ADAMTSL3: variants seen among roughly 807,000 people sequenced by gnomAD.
ADAMTSL3 encodes the protein ADAMTS like 3.
ADAMTSL3 carries 128 observed loss-of-function variants against 201.7 expected under a neutral mutation model. The ratio of observed to expected loss-of-function variants is 0.63; its 90% confidence interval spans 0.55 to 0.73. The LOEUF (loss-of-function observed/expected upper bound fraction) is 0.73. Among genes scored for constraint, ADAMTSL3 ranks in the 30% least tolerant of loss-of-function variants. The probability of loss-of-function intolerance (pLI) is 0.00; values close to 1 mark genes in which losing one functional copy is unlikely to be tolerated. For missense variants in ADAMTSL3, 1,990 were observed against 2,119.6 expected (o/e 0.94, Z 1.20); for synonymous variants, 738 against 748.4 (o/e 0.99, Z 0.23).
chr15:83,858,356 T>A lies in ADAMTSL3; in HGVS notation c.728-410T>A, dbSNP rs192898292. Among the ~76,000 whole-genome samples, 6 of 152,298 alleles carry A rather than the reference T, an allele frequency of 3.9e-5. No homozygotes were observed. In the East Asian group the frequency reaches 1.2e-3, roughly 29 times the overall value. The stretch of plus-strand genomic sequence containing the variant: ...TAATATTCATCTGCTTTACACATAG[T>A]TTGTGATTTCCAAAGATTTATTTAT... On this transcript the variant is annotated intron_variant, in intron 7 of 29. Transcript: ENST00000286744.
At chr15:83,671,693 A>G (rs2061331498) in intron 2 of ADAMTSL3, among the ~76,000 whole-genome samples, 1 of 152,174 alleles carries the variant, frequency 6.6e-6, no homozygotes, top group Non-Finnish European at 1.5e-5. Flanking sequence ...ACTCTTCTTT[A>G]CTAGTTCTCT....
Position 83,811,596 on chromosome 15 carries a change from G to A in ADAMTSL3, c.363+6901G>A, listed in dbSNP as rs189599530. 4.6e-5 allele frequency among the ~76,000 whole-genome samples: 7 copies of A among 152,344 alleles called. No homozygotes were observed. In the South Asian group the frequency reaches 1.2e-3, roughly 27 times the overall value. ...CGAGTGAAGATATGATGCCCCTGAA[G>A]CTCTCTGGGCCTTGGGGGTTACCTG... On this transcript the variant is annotated intron_variant, in intron 5 of 29. Transcript: ENST00000286744.
intron 17 of ADAMTSL3, among the ~76,000 whole-genome samples, chr15:83,934,629 C>G (rs1049597925): frequency 1.3e-5 from 2 of 151,894 alleles, no homozygotes; most frequent in Admixed American, 1.3e-4. Flanking sequence ...GCTTTGTGTC[C>G]CCACCGAAAT....
In ADAMTSL3 at chr15:83,804,392, G is replaced by C. The variant is rs529610957; in HGVS notation, c.318-258G>C. On this transcript the variant is annotated intron_variant, in intron 4 of 29. Transcript: ENST00000286744. ...ATTGTAGTGGTTATATGGACCCTTGGGTAAGAATTGCATGTGAGTACTACT... is the reference window on the plus strand; with the variant it reads ...ATTGTAGTGGTTATATGGACCCTTGCGTAAGAATTGCATGTGAGTACTACT... Among the ~76,000 whole-genome samples, 5 of 152,052 alleles carry C rather than the reference G, an allele frequency of 3.3e-5. No homozygotes were observed. In the East Asian group the frequency reaches 9.7e-4, roughly 29 times the overall value.
intron 27 of ADAMTSL3, among the ~76,000 whole-genome samples, chr15:84,030,560 C>A (rs185497879): frequency 1.1e-4 from 16 of 152,244 alleles, no homozygotes; most frequent in Middle Eastern, 6.8e-3. Context: ...AACTAACTTA[C>A]TTTTCATGTT....
At chr15:83,729,509 C>T (rs2062232538) in intron 3 of ADAMTSL3, among the ~76,000 whole-genome samples, 1 of 151,556 alleles carries the variant, frequency 6.6e-6, no homozygotes, top group Non-Finnish European at 1.5e-5. Flanking sequence ...CTAATTCTTT[C>T]CTCTGCTTGA....
At chr15:83,883,142 CTATTTTATTT>C (rs201289538) in intron 9 of ADAMTSL3, among the ~76,000 whole-genome samples, 6,795 of 37,210 alleles carry the variant, frequency 0.18, 216 homozygotes, top group East Asian at 0.53. Flanking sequence ...AATACTATTT[CTATTTTATTT>C]TATTTTATTT....
rs1251103465 is a variant in ADAMTSL3 at position 84,030,015 on chromosome 15, G to C, written c.4657-1320G>C. ...TTTGAGAACCTCTGCCTAGATTTCA[G>C]AGGAATGTATGGAAAACCCTAGATG... is the stretch of plus-strand genomic sequence containing the variant. On this transcript the variant is annotated intron_variant, in intron 27 of 29. Coordinates refer to ENST00000286744, the MANE Select transcript of ADAMTSL3 (RefSeq NM_207517.3). 2.6e-5 allele frequency among the ~76,000 whole-genome samples: 4 copies of C among 152,386 alleles called. No homozygotes were observed. The East Asian group carries it at 7.7e-4, about 29-fold the overall frequency.
At chr15:83,872,049 A>T (rs935008221) in intron 9 of ADAMTSL3, among the ~76,000 whole-genome samples, 1 of 152,210 alleles carries the variant, frequency 6.6e-6, no homozygotes, top group Non-Finnish European at 1.5e-5. Flanking sequence ...CTGAGATACA[A>T]ATTCAGCCTG....
chr15:83,906,510 T>C (rs1287958107), intron 15 of ADAMTSL3, among the ~76,000 whole-genome samples: 4 of 152,020 alleles, frequency 2.6e-5, no homozygotes, highest in African/African-American at 4.8e-5. Context: ...TATTAAATAA[T>C]ACATGTAATA....
At chr15:83,745,311 G>A (rs2062527358) in intron 3 of ADAMTSL3, among the ~76,000 whole-genome samples, 1 of 152,200 alleles carries the variant, frequency 6.6e-6, no homozygotes, top group Admixed American at 6.5e-5. Context: ...CTGGACAAGA[G>A]CTTGGGTGCC....
At chr15:83,834,772 A>G (rs1017422416) in intron 6 of ADAMTSL3, among the ~76,000 whole-genome samples, 15 of 152,182 alleles carry the variant, frequency 9.9e-5, no homozygotes, top group East Asian at 3.8e-4. Context: ...TATGTTATTA[A>G]TTTATGCTCT....
At chr15:83,840,504 A>G (rs2064352522) in intron 7 of ADAMTSL3, among the ~76,000 whole-genome samples, 2 of 152,194 alleles carry the variant, frequency 1.3e-5, no homozygotes, top group African/African-American at 2.4e-5. Context: ...ATAGCTCTAC[A>G]GGGTTGGTTG....
chr15:83,977,601 T>TA (rs962979445), intron 20 of ADAMTSL3, among the ~76,000 whole-genome samples: 11 of 148,146 alleles, frequency 7.4e-5, no homozygotes, highest in Admixed American at 4.7e-4. Context: ...AAAAAAAAGG[T>TA]AAAAAAAAAA....
rs749977992 is a variant in ADAMTSL3, at chr15:83,991,210, A to G, written c.3969A>G (p.Val1323=). 2 of 1,614,180 alleles carry G rather than the reference A, an allele frequency of 1.2e-6. No homozygotes were observed. Among genetic ancestry groups the G allele is most frequent in the Non-Finnish European group, 8.5e-7 (1 of 1,180,010 alleles). ...LGANVTIRCP[V]KGVPQPNITW... The stretch of plus-strand genomic sequence containing the variant: ...CAAACGTGACAATCCGATGTCCTGT[A>G]AAAGGTAAGTGTGGTCATTTCAGTG... Residue 1323 remains valine, a synonymous_variant, in exon 23 of 30, where the codon GTA becomes GTG. Coordinates refer to ENST00000286744, the MANE Select transcript of ADAMTSL3 (RefSeq NM_207517.3).
At chr15:83,867,047 T>TG (rs2141816963) in intron 8 of ADAMTSL3, among the ~76,000 whole-genome samples, 1 of 152,360 alleles carries the variant, frequency 6.6e-6, no homozygotes, top group East Asian at 1.9e-4. Context: ...TCTGAATATC[T>TG]AAATATAGAA....
At chr15:83,760,448 CA>C (rs1056127199) in intron 3 of ADAMTSL3, among the ~76,000 whole-genome samples, 1 of 151,948 alleles carries the variant, frequency 6.6e-6, no homozygotes, top group East Asian at 1.9e-4. Context: ...TTCATAAATA[CA>C]AAAAATATAT....
intron 7 of ADAMTSL3, among the ~76,000 whole-genome samples, chr15:83,848,586 TGAGTGAATTTGA>T (rs975287492): frequency 6.6e-6 from 1 of 152,232 alleles, no homozygotes; most frequent in African/African-American, 2.4e-5. Flanking sequence ...CTCTGTGTGA[TGAGTGAATTTGA>T]GTTTATACAG....
chr15:83,742,201 G>A (rs78322357), intron 3 of ADAMTSL3, among the ~76,000 whole-genome samples: 3 of 152,174 alleles, frequency 2.0e-5, no homozygotes, highest in Non-Finnish European at 4.4e-5. Flanking sequence ...CTAGCCACTT[G>A]TAAATTGAAA....
Sources: allele counts gnomAD v4.1 joint callset (sites outside exome capture counted in the v4.1 genomes callset), GRCh38; gene constraint gnomAD v4.1.1; transcripts MANE v1.5; gene names NCBI Gene and HGNC (gene_info 2026-07-23, HGNC 2026-07-21).